VRK2: variants seen among roughly 807,000 people sequenced by gnomAD.
VRK2 encodes VRK serine/threonine kinase 2.
VRK2 carries 60 observed loss-of-function variants against 57.6 expected under a neutral mutation model. The ratio of observed to expected loss-of-function variants is 1.04; its 90% CI spans 0.85 to 1.29. The LOEUF (loss-of-function observed/expected upper bound fraction) is 1.29, where lower values mean the gene tolerates loss of function less well. VRK2 is among the 50% of genes most tolerant of loss of function. The pLI, the probability that VRK2 is intolerant of heterozygous loss-of-function variation, is 0.00. For synonymous variants in VRK2, 231 were observed against 199.2 expected, an observed-to-expected ratio of 1.16 and a Z score of -1.35; for missense variants, 705 against 588.1, an observed-to-expected ratio of 1.20 and a Z score of -2.06.
At chr2:57,954,030 C>T (rs998206988) in intron 1 of VRK2, among the ~76,000 whole-genome samples, 2 of 152,168 alleles carry the variant, frequency 1.3e-5, no homozygotes, top group Non-Finnish European at 2.9e-5. Context: ...GTCCTCCCAA[C>T]ATTCCAGCAC....
At chr2:58,063,856 A>C (rs1668250860) in intron 2 of VRK2, among the ~76,000 whole-genome samples, 1 of 152,144 alleles carries the variant, frequency 6.6e-6, no homozygotes, top group Non-Finnish European at 1.5e-5. Context: ...CATTAACAGC[A>C]TTCATGATTC....
intron 1 of VRK2, among the ~76,000 whole-genome samples, chr2:57,918,636 T>C (rs17829368): frequency 0.017 from 2,639 of 152,198 alleles, 32 homozygotes; most frequent in Admixed American, 0.028. Context: ...AAAGCACCCA[T>C]CTAAGCAGTT....
At chr2:58,060,901 T>C (rs779893823) in intron 2 of VRK2, among the ~76,000 whole-genome samples, 4 of 151,996 alleles carry the variant, frequency 2.6e-5, no homozygotes, top group Non-Finnish European at 5.9e-5. Flanking sequence ...TATGGCCAAA[T>C]TGAATGTCTC....
intron 12 of VRK2, among the ~76,000 whole-genome samples, chr2:58,155,672 C>G (rs1426570614): frequency 1.3e-5 from 2 of 151,840 alleles, no homozygotes; most frequent in Non-Finnish European, 2.9e-5. Context: ...AGGTGTGCTC[C>G]CTGGTTAGTG....
intron 1 of VRK2, among the ~76,000 whole-genome samples, chr2:57,995,277 T>C (rs1460383924): frequency 6.6e-6 from 1 of 152,230 alleles, no homozygotes; most frequent in African/African-American, 2.4e-5. Flanking sequence ...CACTGAGTTA[T>C]GTAGATCCTC....
At chr2:58,015,630 T>G (rs969946770) in intron 1 of VRK2, among the ~76,000 whole-genome samples, 3 of 151,784 alleles carry the variant, frequency 2.0e-5, no homozygotes, top group African/African-American at 7.3e-5. Flanking sequence ...CATATTTATG[T>G]GTATAAAAAA....
intron 1 of VRK2, among the ~76,000 whole-genome samples, chr2:58,012,950 C>T (rs1013081057): frequency 4.6e-5 from 7 of 152,046 alleles, no homozygotes; most frequent in Admixed American, 1.3e-4. Flanking sequence ...GAAAGCTTGA[C>T]ATGTCAATAT....
At chr2:58,124,562 G>A (rs994076764) in intron 8 of VRK2, among the ~76,000 whole-genome samples, 6 of 152,252 alleles carry the variant, frequency 3.9e-5, no homozygotes, top group Admixed American at 1.3e-4. Context: ...CTTCTTAATG[G>A]TTGTTGAACT....
chr2:58,136,582 A>C (rs1007160608), intron 10 of VRK2, among the ~76,000 whole-genome samples: 1 of 151,414 alleles, frequency 6.6e-6, no homozygotes, highest in Admixed American at 6.6e-5. Context: ...ACAGGGTTTC[A>C]CCATATTGGC....
At chr2:58,005,003 T>C (rs1168318990) in intron 1 of VRK2, among the ~76,000 whole-genome samples, 1 of 152,184 alleles carries the variant, frequency 6.6e-6, no homozygotes, top group African/African-American at 2.4e-5. Flanking sequence ...GTGGCCCATT[T>C]ACTCTAATTT....
Position 58,159,695 on chromosome 2 carries a change from G to A in VRK2, c.*2G>A, listed in dbSNP as rs770675343. Reference sequence around the variant, plus strand: ...TTTCTTGCTTTATTTTTTCTCTGAAGATGATACCAAAATTCCTTTTGATAA... The same window carrying A: ...TTTCTTGCTTTATTTTTTCTCTGAAAATGATACCAAAATTCCTTTTGATAA... On this transcript the variant is annotated 3_prime_UTR_variant, in exon 13 of 13. Transcript: ENST00000340157. 1 of 1,612,356 alleles carries A rather than the reference G, an allele frequency of 6.2e-7. No homozygotes were observed. The highest frequency in any genetic ancestry group is 1.1e-5 in the South Asian group (1 of 90,714).
At chr2:58,086,174 G>A (rs1321379479) in intron 4 of VRK2, among the ~76,000 whole-genome samples, 165 bp from the exon 5 acceptor site, 2 of 150,944 alleles carry the variant, frequency 1.3e-5, no homozygotes, top group East Asian at 3.9e-4. Flanking sequence ...AATTATAGTG[G>A]TAACAGTTTG....
At chr2:57,912,102 T>C (rs538360076) in intron 1 of VRK2, among the ~76,000 whole-genome samples, 5 of 152,346 alleles carry the variant, frequency 3.3e-5, no homozygotes, top group Admixed American at 2.6e-4. Context: ...ATGCCTAGTA[T>C]TAACTGATAT....
chr2:58,149,769 A>G (rs1682710439), intron 12 of VRK2, among the ~76,000 whole-genome samples: 1 of 151,660 alleles, frequency 6.6e-6, no homozygotes, highest in African/African-American at 2.4e-5. Context: ...ATCTTTTGAG[A>G]TGATCACATG....
At chr2:58,127,738 T>A (rs529640724) in intron 8 of VRK2, among the ~76,000 whole-genome samples, 7 of 152,286 alleles carry the variant, frequency 4.6e-5, no homozygotes, top group African/African-American at 1.7e-4. Context: ...CATATTAATA[T>A]TTTGGGCATT....
chr2:57,987,776 AG>A (rs1672643089), intron 1 of VRK2, among the ~76,000 whole-genome samples: 2 of 152,156 alleles, frequency 1.3e-5, no homozygotes, highest in African/African-American at 4.8e-5. Flanking sequence ...TGGGCAAAAA[AG>A]ATTGTGGAAC....
At chr2:57,927,965 ACTTT>A (rs1407142286) in intron 1 of VRK2, among the ~76,000 whole-genome samples, 2 of 152,060 alleles carry the variant, frequency 1.3e-5, no homozygotes, top group African/African-American at 4.8e-5. Flanking sequence ...CTTTTAGGAT[ACTTT>A]CTTTATCATA....
chr2:57,937,025 G>T (rs1332011563), intron 1 of VRK2, among the ~76,000 whole-genome samples: 1 of 152,106 alleles, frequency 6.6e-6, no homozygotes, highest in African/African-American at 2.4e-5. Context: ...TTTCTTCCAG[G>T]CAAGTTGTTC....
At chr2:58,112,301 T>A (rs2104417944) in intron 7 of VRK2, among the ~76,000 whole-genome samples, 1 of 152,330 alleles carries the variant, frequency 6.6e-6, no homozygotes, top group East Asian at 1.9e-4. Context: ...TGAAATAATT[T>A]GAGAAAGGTA....
Sources: gnomAD v4.1 joint callset for allele counts (sites outside exome capture counted in the v4.1 genomes callset) on GRCh38, gnomAD v4.1.1 for gene constraint, MANE v1.5 for transcripts, NCBI Gene and HGNC (gene_info 2026-07-23, HGNC 2026-07-21) for gene names.